USP6NL: variants seen among roughly 807,000 people sequenced by gnomAD.
USP6NL encodes the protein USP6 N-terminal like, also known as USP6 N-terminal-like protein.
USP6NL carries 26 observed loss-of-function variants against 61.9 expected under a neutral mutation model. The ratio of observed to expected loss-of-function variants is 0.42; its 90% confidence interval spans 0.31 to 0.58. The LOEUF is 0.58. Ranked by LOEUF, USP6NL falls within the 20% of genes least tolerant of loss-of-function variation. The pLI is 0.16. For synonymous variants in USP6NL, 432 were observed against 390.1 expected (o/e 1.11, Z -1.27); for missense variants, 1,114 against 1,034.3 (o/e 1.08, Z -1.06).
chr10:11,585,070 T>C lies in USP6NL; in HGVS notation c.4+12561A>G, dbSNP rs981386189. Among the ~76,000 whole-genome samples the C allele has an allele frequency of 5.3e-5, 8 of 152,306 alleles. No individual in the cohort carries two copies. The highest frequency in any genetic ancestry group is 1.9e-4 in the African/African-American group (8 of 41,550). ...GTTAAAATCTGTGATTTTTCCATAA[T>C]CATTTTGGGAGAAAAGACTGTTTTA... On this transcript the variant is annotated intron_variant, in intron 2 of 14. Transcript: ENST00000609104. This position sits in a 1 kb window ranked among gnomAD's most constrained non-coding sequence, Gnocchi z 4.5.
Position 11,532,233 on chromosome 10 carries a change from A to T in USP6NL, c.5-4666T>A. On this transcript the variant is annotated intron_variant, in intron 2 of 14. Transcript: ENST00000609104. The surrounding 1 kb of genome is among the most constrained non-coding windows in gnomAD (Gnocchi z 4.1). ...AATTAACAACAGCTTCAGTCCTCAT[A>T]GAGTAACTTATCTATTCCAAGATTT... The T allele has an allele frequency of 6.2e-7, 1 of 1,601,150 alleles. No homozygotes were observed. The highest frequency in any genetic ancestry group is 8.5e-7 in the Non-Finnish European group (1 of 1,173,382).
In USP6NL at chr10:11,487,568, A is replaced by G. The variant is rs1379325496; in HGVS notation, c.664+1534T>C. On this transcript the variant is annotated intron_variant, in intron 10 of 14. Transcript: ENST00000609104. This position sits in a 1 kb window ranked among gnomAD's most constrained non-coding sequence, Gnocchi z 4.2. ...TATTGTACCTCAAGACAGATCAGCA[A>G]CACAATCCCACGGGAAAGCAAAATA... Among the ~76,000 whole-genome samples the G allele has an allele frequency of 1.3e-5, 2 of 152,230 alleles. No individual in the cohort carries two copies. The highest frequency in any genetic ancestry group is 3.8e-4 in the East Asian group (2 of 5,204).
intron 14 of USP6NL, among the ~76,000 whole-genome samples, chr10:11,472,979 A>G (rs1208382487): frequency 6.6e-6 from 1 of 152,236 alleles, no homozygotes; most frequent in African/African-American, 2.4e-5. Context: ...TTCAATTTTT[A>G]TACACATGTA....
At position 11,532,283 on chromosome 10, in the gene USP6NL, C is replaced by T; in HGVS notation, c.5-4716G>A. On this transcript the variant is annotated intron_variant, in intron 2 of 14. Coordinates refer to ENST00000609104, the MANE Select transcript of USP6NL (RefSeq NM_014688.5). This position sits in a 1 kb window ranked among gnomAD's most constrained non-coding sequence, Gnocchi z 4.1. The stretch of plus-strand genomic sequence containing the variant: ...TCATTATTATTTTATAGTTCTCGAA[C>T]ACACCAAGAGTGCTGCCCGGCGGTA... 2.0e-6 allele frequency: 3 copies of T among 1,523,662 alleles called. No homozygotes were observed. The South Asian group carries it at 3.7e-5, about 19-fold the overall frequency. 94.4% of individuals were successfully genotyped at this position (1,523,662 alleles called of 1,614,324 possible).
rs1835082379 is a variant in USP6NL at position 11,518,880 on chromosome 10, A to C, written c.156-306T>G. 2.6e-5 allele frequency among the ~76,000 whole-genome samples: 4 copies of C among 152,256 alleles called. No individual in the cohort carries two copies. The highest frequency in any genetic ancestry group is 2.6e-4 in the Admixed American group (4 of 15,290). On this transcript the variant is annotated intron_variant, in intron 4 of 14. Coordinates refer to ENST00000609104, the MANE Select transcript of USP6NL (RefSeq NM_014688.5). The surrounding 1 kb of genome is among the most constrained non-coding windows in gnomAD (Gnocchi z 5.3). Reference sequence around the variant, plus strand: ...AGTTAGTCTCACTAGGCACAGTTCAAGTGCATGAATGTCACGTAGCTAGAA... The same window carrying C: ...AGTTAGTCTCACTAGGCACAGTTCACGTGCATGAATGTCACGTAGCTAGAA...
chr10:11,539,360 C>T (rs1267032142), intron 2 of USP6NL, among the ~76,000 whole-genome samples: 1 of 152,206 alleles, frequency 6.6e-6, no homozygotes, highest in African/African-American at 2.4e-5. Flanking sequence ...ACAATTTGAT[C>T]TCCATCTGGC....
intron 14 of USP6NL, among the ~76,000 whole-genome samples, chr10:11,469,452 G>A (rs1195025570): frequency 6.6e-6 from 1 of 152,196 alleles, no homozygotes; most frequent in Non-Finnish European, 1.5e-5. Flanking sequence ...GTTCGGGGGG[G>A]AAGAAATCCA....
Position 11,611,490 on chromosome 10 carries a change from C to T in USP6NL, c.-131G>A. 1 of 159,494 alleles carries T rather than the reference C, an allele frequency of 6.3e-6. No homozygotes were observed. Among genetic ancestry groups the T allele is most frequent in the Non-Finnish European group, 1.4e-5 (1 of 73,124 alleles). 9.9% of individuals were successfully genotyped at this position (159,494 alleles called of 1,614,324 possible). On this transcript the variant is annotated 5_prime_UTR_variant, in exon 1 of 15. Coordinates refer to ENST00000609104, the MANE Select transcript of USP6NL (RefSeq NM_014688.5). The surrounding 1 kb of genome is among the most constrained non-coding windows in gnomAD (Gnocchi z 5.3). ...GGCTGTGGGCAGCGGACAGAGCTGG[C>T]GGTCCCGGGCGGCCGAGCAGATCCG...
At chr10:11,514,520 T>C (rs1209203166) in intron 5 of USP6NL, among the ~76,000 whole-genome samples, 4 of 152,184 alleles carry the variant, frequency 2.6e-5, no homozygotes, top group Non-Finnish European at 5.9e-5. Context: ...CCTCAAACTG[T>C]CCCCTAGGAG....
chr10:11,462,407 T>C lies in USP6NL; in HGVS notation c.*34A>G, dbSNP rs778421030. On this transcript the variant is annotated 3_prime_UTR_variant, in exon 15 of 15. Transcript: ENST00000609104. ...CATAGCAATGTAGGTTTCACGTGGT[T>C]TCTCTCTCGTCTTTAGCAAGTACAC... 6 of 1,592,290 alleles carry C rather than the reference T, an allele frequency of 3.8e-6. No individual in the cohort carries two copies. The East Asian group carries it at 1.3e-4, about 36-fold the overall frequency.
Position 11,611,602 on chromosome 10 carries a change from G to T in USP6NL, c.-243C>A, listed in dbSNP as rs1351407303. On this transcript the variant is annotated 5_prime_UTR_variant, in exon 1 of 15. Transcript: ENST00000609104. The surrounding 1 kb of genome is among the most constrained non-coding windows in gnomAD (Gnocchi z 5.3). ...TCCAAGAGGATCCCGGCGAAGCCGA[G>T]CCCGGGAACCAGGAAGTTCCCCGGC... is the stretch of plus-strand genomic sequence containing the variant. The T allele has an allele frequency of 6.5e-6, 1 of 153,368 alleles. No individual in the cohort carries two copies. The highest frequency in any genetic ancestry group is 1.5e-5 in the Non-Finnish European group (1 of 68,100). The allele number at this position is 153,368 out of a possible 1,614,324, so 9.5% of individuals were successfully genotyped here.
At chr10:11,500,886 G>T (rs1235664821) in intron 7 of USP6NL, among the ~76,000 whole-genome samples, 1 of 152,064 alleles carries the variant, frequency 6.6e-6, no homozygotes, top group Non-Finnish European at 1.5e-5. Context: ...CATACTTATT[G>T]ATACAGACAA....
At chr10:11,560,714 T>TATATA (rs138095176) in intron 2 of USP6NL, among the ~76,000 whole-genome samples, 7 of 141,324 alleles carry the variant, frequency 5.0e-5, no homozygotes, top group South Asian at 4.4e-4. Flanking sequence ...TATATATATA[T>TATATA]TATATATATA....
intron 2 of USP6NL, among the ~76,000 whole-genome samples, chr10:11,538,634 T>C (rs1405797013): frequency 1.3e-5 from 2 of 152,244 alleles, no homozygotes; most frequent in Non-Finnish European, 2.9e-5. Context: ...AATTTCCATA[T>C]ACACCTTCAT....
chr10:11,584,122 G>T (rs1837887003), intron 2 of USP6NL, among the ~76,000 whole-genome samples: 1 of 152,152 alleles, frequency 6.6e-6, no homozygotes, highest in Non-Finnish European at 1.5e-5. Flanking sequence ...GGCTGAGGTG[G>T]GAGAATCATC....
In USP6NL at chr10:11,540,336, A is replaced by T. The variant is rs916211892; in HGVS notation, c.5-12769T>A. ...TGTTTTAGGATAATAACAAGAAATG[A>T]TCTGGAAACATGTAAAAATTTGACA... On this transcript the variant is annotated intron_variant, in intron 2 of 14. Transcript: ENST00000609104. The surrounding 1 kb of genome is among the most constrained non-coding windows in gnomAD (Gnocchi z 5.0). Among the ~76,000 whole-genome samples the T allele has an allele frequency of 6.6e-6, 1 of 152,212 alleles. No homozygotes were observed. The highest frequency in any genetic ancestry group is 6.5e-5 in the Admixed American group (1 of 15,288).
rs1237990076 is a variant in USP6NL at position 11,495,104 on chromosome 10, C to T, written c.385-1876G>A. On this transcript the variant is annotated intron_variant, in intron 7 of 14. Coordinates refer to ENST00000609104, the MANE Select transcript of USP6NL (RefSeq NM_014688.5). The surrounding 1 kb of genome is among the most constrained non-coding windows in gnomAD (Gnocchi z 4.6). ...CAACGGGCGTCTTCCCAGATGCTGG[C>T]GTTACCGCTAGACCAAGGAGCCCTC... Among the ~76,000 whole-genome samples the T allele has an allele frequency of 2.6e-5, 4 of 152,228 alleles. No individual in the cohort carries two copies.
chr10:11,509,756 C>T, intron 5 of USP6NL, 81 bp from the exon 6 acceptor site: 5 of 1,200,844 alleles, frequency 4.2e-6, no homozygotes, highest in Non-Finnish European at 5.8e-6. Context: ...GAAAATGCTT[C>T]TAAAAAAGGA....
intron 2 of USP6NL, among the ~76,000 whole-genome samples, chr10:11,555,101 T>G (rs901090966): frequency 2.4e-4 from 32 of 132,318 alleles, no homozygotes; most frequent in Middle Eastern, 3.7e-3. Context: ...TGTTTTTTTT[T>G]TTTTTTGGTT....
Sources: allele counts gnomAD v4.1 joint callset (sites outside exome capture counted in the v4.1 genomes callset), GRCh38; gene constraint gnomAD v4.1.1; non-coding constraint Gnocchi (gnomAD v3.1); transcripts MANE v1.5; gene names NCBI Gene and HGNC (gene_info 2026-07-23, HGNC 2026-07-21).